The following CRYAB variants were observed in gnomAD, a reference collection of about 807,000 sequenced individuals.
CRYAB encodes the protein crystallin alpha B, also known as alpha-crystallin B chain.
Under a neutral mutation model 12.7 loss-of-function variants are expected in CRYAB, and 9 were observed. The observed-to-expected ratio is 0.71, with a 90% CI of 0.43 to 1.24. The LOEUF is 1.24. CRYAB is among the 50% of genes most tolerant of loss of function. The probability of loss-of-function intolerance (pLI) is 0.00; values close to 1 mark genes in which losing one functional copy is unlikely to be tolerated. For synonymous variants in CRYAB, 93 were observed against 86.8 expected (o/e 1.07, Z -0.40); for missense variants, 183 against 226.6 (o/e 0.81, Z 1.24).
chr11:111,917,823 A>C (rs952651841), upstream of CRYAB, among the ~76,000 whole-genome samples: 6 of 152,166 alleles, frequency 3.9e-5, no homozygotes, highest in Non-Finnish European at 8.8e-5. Context: ...TGGGTGACAG[A>C]TTGAGACCCT....
upstream of CRYAB, chr11:111,911,945 A>C: frequency 1.8e-6 from 1 of 562,658 alleles, no homozygotes; most frequent in Non-Finnish European, 3.2e-6. Context: ...AGACACAAAC[A>C]CGTCTGAGCC....
chr11:111,913,351 C>T, upstream of CRYAB: 1 of 1,028,814 alleles, frequency 9.7e-7, no homozygotes, highest in East Asian at 2.4e-5. Flanking sequence ...TCTTGCTCTT[C>T]CCAATCCCTC....
chr11:111,910,219 A>G, intron 2 of CRYAB, 108 bp downstream of exon 2: 3 of 1,367,720 alleles, frequency 2.2e-6, no homozygotes, highest in Non-Finnish European at 3.1e-6. Context: ...CCCGACTGTT[A>G]TGGCTTGGGA....
upstream of CRYAB, chr11:111,912,175 G>A: frequency 4.5e-6 from 1 of 222,550 alleles, no homozygotes; most frequent in Non-Finnish European, 9.0e-6. Flanking sequence ...GCCTGGGCAG[G>A]GACTGGAATC....
upstream of CRYAB, chr11:111,918,079 A>G (rs1281298101): frequency 6.6e-6 from 1 of 152,228 alleles, no homozygotes; most frequent in African/African-American, 2.4e-5. Flanking sequence ...GACAATAACC[A>G]GGCATCCGAG....
chr11:111,909,757 G>A (rs1037299969), intron 2 of CRYAB: 8 of 213,620 alleles, frequency 3.7e-5, no homozygotes, highest in African/African-American at 9.3e-5. Context: ...GAAGAGACAC[G>A]GATTCTTGCA....
intron 1 of CRYAB, chr11:111,919,015 TG>T: frequency 6.2e-7 from 1 of 1,614,148 alleles, no homozygotes; most frequent in Non-Finnish European, 8.5e-7. Context: ...GTGAGTAGGC[TG>T]GAAGGGCAAA....
At chr11:111,911,117 T>A (rs959945789) in intron 1 of CRYAB, among the ~76,000 whole-genome samples, 4 of 152,112 alleles carry the variant, frequency 2.6e-5, no homozygotes, top group Admixed American at 2.0e-4. Flanking sequence ...CCCATGGGGA[T>A]GAACAGCTCA....
At chr11:111,912,947 T>TCCCCCCCCCCC, upstream of CRYAB, 4 of 1,143,324 alleles carry the variant, frequency 3.5e-6, no homozygotes, top group Admixed American at 2.4e-5. Context: ...ACCACCCCCT[T>TCCCCCCCCCCC]GCCCCCCACC....
rs782691208 is a variant in CRYAB at position 111,910,322 on chromosome 11, C to A, written c.324+5G>T. 1.1e-5 allele frequency: 18 copies of A among 1,614,196 alleles called. No homozygotes were observed. The highest frequency in any genetic ancestry group is 1.7e-5 in the Admixed American group (1 of 60,022). On this transcript the variant is annotated splice_donor_5th_base_variant and intron_variant, in intron 2 of 2. Transcript: ENST00000650687. ...GAGCAGAAAACAAAAAAACAAGCTA[C>A]ATACCTGGCGCTCTTCATGTTTTCC...
chr11:111,913,974 A>T, upstream of CRYAB: 9 of 1,245,568 alleles, frequency 7.2e-6, no homozygotes, highest in Non-Finnish European at 1.0e-5. Context: ...CTCCAGAGGT[A>T]GCAGCATCCT....
upstream of CRYAB, among the ~76,000 whole-genome samples, chr11:111,916,765 A>G (rs1010320804): frequency 6.6e-6 from 1 of 152,078 alleles, no homozygotes; most frequent in Non-Finnish European, 1.5e-5. Context: ...GGCTACCACA[A>G]TGGTCTATTC....
In CRYAB at chr11:111,911,504, C is replaced by T; in HGVS notation, c.201+20G>A. On this transcript the variant is annotated intron_variant, in intron 1 of 2. Coordinates refer to ENST00000650687, the MANE Select transcript of CRYAB (RefSeq NM_001289808.2). ...AGGTTCCAGTAAGGACTCTCCCGTC[C>T]TAGCTGTGGGGAGACTCACCTCTGA... The T allele has an allele frequency of 6.3e-7, 1 of 1,599,466 alleles. No individual in the cohort carries two copies. Among genetic ancestry groups the T allele is most frequent in the South Asian group, 1.1e-5 (1 of 88,226 alleles).
chr11:111,910,330 G>C lies in CRYAB; in HGVS notation c.321C>G (p.Arg107=). 1 of 1,614,142 alleles carries C rather than the reference G, an allele frequency of 6.2e-7. No individual in the cohort carries two copies. Among genetic ancestry groups the C allele is most frequent in the Non-Finnish European group, 8.5e-7 (1 of 1,180,028 alleles). ...AACAAAAAAACAAGCTACATACCTG[G>C]CGCTCTTCATGTTTTCCATGCACCT... is the stretch of plus-strand genomic sequence containing the variant. ...VIEVHGKHEE[R]QDEHGFISRE... is the part of the protein sequence containing the mutation. Residue 107 remains arginine (R), a synonymous_variant, in exon 2 of 3, where the codon CGC becomes CGG. Transcript: ENST00000650687.
upstream of CRYAB, chr11:111,911,843 A>G: frequency 1.4e-6 from 1 of 715,482 alleles, no homozygotes; most frequent in Non-Finnish European, 2.4e-6. Context: ...CAGGGGTTTT[A>G]TTATCCTAGC....
chr11:111,913,663 G>A (rs782166841), upstream of CRYAB: 2 of 1,614,128 alleles, frequency 1.2e-6, no homozygotes, highest in Admixed American at 1.7e-5. Context: ...CACCCCCAGC[G>A]CCTGGACCGC....
intron 1 of CRYAB, among the ~76,000 whole-genome samples, chr11:111,922,021 C>T (rs1555166606): frequency 6.6e-6 from 1 of 152,128 alleles, no homozygotes; most frequent in Non-Finnish European, 1.5e-5. Flanking sequence ...TTAGCAGAGA[C>T]GGGGTTTCAC....
At chr11:111,912,726 G>A (rs889067222), upstream of CRYAB, 3 of 285,736 alleles carry the variant, frequency 1.0e-5, no homozygotes, top group African/African-American at 7.0e-5. Context: ...TGTCGACCCC[G>A]CCCCCACCTC....
intron 1 of CRYAB, chr11:111,918,932 G>C (rs1555166288): frequency 1.9e-6 from 3 of 1,612,640 alleles, no homozygotes; most frequent in South Asian, 2.2e-5. Context: ...CAAGCCTCTT[G>C]ATGCATAAAA....
Sources: gnomAD v4.1 joint callset for allele counts (sites outside exome capture counted in the v4.1 genomes callset) on GRCh38, gnomAD v4.1.1 for gene constraint, MANE v1.5 for transcripts, NCBI Gene and HGNC (gene_info 2026-07-23, HGNC 2026-07-21) for gene names.